PRRC2A: variants seen among roughly 807,000 people sequenced by gnomAD.
PRRC2A encodes the protein proline rich coiled-coil 2A.
In PRRC2A, 59 loss-of-function variants were observed where a neutral mutation model predicts 224.6. The ratio of observed to expected loss-of-function variants is 0.26; its 90% CI spans 0.21 to 0.33. PRRC2A has a LOEUF of 0.33. Among genes scored for constraint, PRRC2A ranks in the 10% least tolerant of loss-of-function variants. The pLI is 1.00. For missense variants in PRRC2A, 3,095 were observed against 2,880.7 expected (o/e 1.07, Z -1.70); for synonymous variants, 1,194 against 1,109.5 (o/e 1.08, Z -1.51).
chr6:31,630,911 C>T (rs369253928), intron 15 of PRRC2A, 110 bp downstream of exon 15: 12 of 1,401,428 alleles, frequency 8.6e-6, no homozygotes, highest in African/African-American at 7.1e-5. Flanking sequence ...AAAGGAGAGG[C>T]TGGATGGAGT....
chr6:31,637,290 T>C lies in PRRC2A; in HGVS notation c.6299T>C (p.Val2100Ala). ...LKATPSTYSGVFRTQRVDLYQ... is the reference protein window; with the variant it reads ...LKATPSTYSGAFRTQRVDLYQ... ...GCCACGCCTTCCACCTACAGTGGAG[T>C]CTTCCGCACCCAGCGCGTCGACCTT... The change falls in exon 30 of 31, where the codon GTC becomes GCC. Residue 2100 changes from valine to alanine, a missense_variant. Val to Ala is a moderately conservative substitution (Grantham distance 64, BLOSUM62 0). Around this residue, in one of 8 missense-constraint regions of PRRC2A, gnomAD observed 662 missense variants for 609.5 expected, o/e 1.09. Transcript: ENST00000376033. 1 of 1,612,338 alleles carries C rather than the reference T, an allele frequency of 6.2e-7. No homozygotes were observed. Among genetic ancestry groups the C allele is most frequent in the Non-Finnish European group, 8.5e-7 (1 of 1,179,528 alleles).
rs1175821400 is a variant in PRRC2A at position 31,627,778 on chromosome 6, C to T, written c.1304C>T (p.Pro435Leu). The T allele has an allele frequency of 6.2e-7, 1 of 1,612,546 alleles. No individual in the cohort carries two copies. The highest frequency in any genetic ancestry group is 8.5e-7 in the Non-Finnish European group (1 of 1,179,700). Residue 435 changes from proline to leucine, a missense_variant, in exon 12 of 31, where the codon CCT (proline) becomes CTT (leucine). This residue lies in a region of PRRC2A where 2,001 missense variants were observed against 1,764.9 expected (regional missense o/e 1.13). Transcript: ENST00000376033. This position sits in a 1 kb window ranked among gnomAD's most constrained non-coding sequence, Gnocchi z 5.6. The stretch of plus-strand genomic sequence containing the variant: ...GCCAATTGACAGGATCGTGGGGGTC[C>T]TCCCTGCAAGCCCCCAGCACCTGAA... ...PPGDYPDRGG[P>L]PCKPPAPEDE... is the part of the protein sequence containing the mutation.
At chr6:31,629,065 T>G in intron 12 of PRRC2A, 79 bp from the exon 13 acceptor site, 213 of 1,398,674 alleles carry the variant, frequency 1.5e-4, no homozygotes, top group Non-Finnish European at 1.9e-4. Flanking sequence ...GAGCTAGAGA[T>G]GAGACGTGAG....
intron 24 of PRRC2A, 35 bp from the exon 25 acceptor site, chr6:31,635,932 A>G: frequency 1.9e-6 from 3 of 1,553,988 alleles, no homozygotes; most frequent in Non-Finnish European, 2.6e-6. Context: ...GACCACAGAT[A>G]CTAAAGCTGT....
intron 10 of PRRC2A, 46 bp from the exon 11 acceptor site, chr6:31,626,936 A>T (rs757642244): frequency 6.2e-7 from 1 of 1,612,720 alleles, no homozygotes; most frequent in African/African-American, 1.3e-5. Flanking sequence ...TTAGAGGAGT[A>T]TATTAGTTGC....
chr6:31,637,687 A>G lies in PRRC2A; in HGVS notation c.*101A>G, dbSNP rs1232413515. On this transcript the variant is annotated 3_prime_UTR_variant, in exon 31 of 31. Transcript: ENST00000376033. ...GGAGGGGTTCTGGGGCTGGGGCCTCACTTCCCCTCCTCCCCCTTCCCCTGG... is the reference window on the plus strand; with the variant it reads ...GGAGGGGTTCTGGGGCTGGGGCCTCGCTTCCCCTCCTCCCCCTTCCCCTGG... 2 of 679,046 alleles carry G rather than the reference A, an allele frequency of 2.9e-6. No homozygotes were observed. The highest frequency in any genetic ancestry group is 4.3e-6 in the Non-Finnish European group (2 of 463,706). 42.1% of individuals were successfully genotyped at this position (679,046 alleles called of 1,614,324 possible). A position where few individuals can be genotyped will look rare whatever the true frequency, so the allele number is the denominator to read the frequency against.
At position 31,637,025 on chromosome 6, in the gene PRRC2A, G is replaced by GT. The variant is rs773084707; in HGVS notation, c.6148-17_6148-16insT. On this transcript the variant is annotated splice_polypyrimidine_tract_variant and intron_variant, in intron 28 of 30. Coordinates refer to ENST00000376033, the MANE Select transcript of PRRC2A (RefSeq NM_004638.4). ...CTGTATTTCAAGGTAGGCAGCTCAT[G>GT]ATTTTTTTCCCCTCAGCTGCATCCA... is the stretch of plus-strand genomic sequence containing the variant. 9.4e-6 allele frequency: 15 copies of GT among 1,595,790 alleles called. No homozygotes were observed. The highest frequency in any genetic ancestry group is 1.3e-5 in the Non-Finnish European group (15 of 1,170,282).
Position 31,629,523 on chromosome 6 carries a change from CATCTT to C in PRRC2A, c.1957-24_1957-20del, listed in dbSNP as rs1166793807. ...GTCCATGTGTGCTTTGAGCCTCTCT[CATCTT>C]GTCTTTCCTCCTTTCCTAGGAGCAG... On this transcript the variant is annotated intron_variant, in intron 13 of 30. Coordinates refer to ENST00000376033, the MANE Select transcript of PRRC2A (RefSeq NM_004638.4). 1 of 1,478,008 alleles carries C rather than the reference CATCTT, an allele frequency of 6.8e-7. No homozygotes were observed. Among genetic ancestry groups the C allele is most frequent in the East Asian group, 2.3e-5 (1 of 44,194 alleles). 91.6% of individuals were successfully genotyped at this position (1,478,008 alleles called of 1,614,324 possible). A position where few individuals can be genotyped will look rare whatever the true frequency, so the allele number is the denominator to read the frequency against.
chr6:31,629,409 C>T (rs1776281961), intron 13 of PRRC2A, 75 bp downstream of exon 13: 9 of 1,501,198 alleles, frequency 6.0e-6, no homozygotes, highest in Non-Finnish European at 8.1e-6. Flanking sequence ...TCATAAGTTA[C>T]CTTCTGGGTC....
In PRRC2A at chr6:31,624,277, G is replaced by T; in HGVS notation, c.307G>T (p.Ala103Ser). The change falls in exon 4 of 31, where the codon GCT becomes TCT. Residue 103 changes from alanine (A) to serine (S), a missense_variant. Transcript: ENST00000376033. ...TCCCCTCAGTTCCGATGCCTCAACCGCTCAGCCGCCGGAATCGCAGCCACT... is the reference window on the plus strand; with the variant it reads ...TCCCCTCAGTTCCGATGCCTCAACCTCTCAGCCGCCGGAATCGCAGCCACT... ...SDPKSSDAST[A>S]QPPESQPLPA... 6.2e-7 allele frequency: 1 copy of T among 1,613,578 alleles called. No homozygotes were observed. Among genetic ancestry groups the T allele is most frequent in the Non-Finnish European group, 8.5e-7 (1 of 1,179,970 alleles).
Position 31,632,139 on chromosome 6 carries a change from C to G in PRRC2A, c.3466C>G (p.Arg1156Gly). 4 of 1,562,496 alleles carry G rather than the reference C, an allele frequency of 2.6e-6. No homozygotes were observed. Among genetic ancestry groups the G allele is most frequent in the Non-Finnish European group, 3.5e-6 (4 of 1,154,828 alleles). ...PSPAPARFTA[R>G]GGRVFTPRGV... ...ACCAGCCCCAGCCCGCTTCACTGCC[C>G]GGGGTGGGCGAGTCTTCACTCCCAG... The change falls in exon 16 of 31, where the codon CGG (arginine) becomes GGG (glycine). Residue 1156 changes from arginine (R) to glycine (G), a missense_variant. Coordinates refer to ENST00000376033, the MANE Select transcript of PRRC2A (RefSeq NM_004638.4).
chr6:31,630,420 C>T (rs73728958), intron 14 of PRRC2A, among the ~76,000 whole-genome samples, 171 bp from the exon 15 acceptor site: 1 of 152,112 alleles, frequency 6.6e-6, no homozygotes, highest in African/African-American at 2.4e-5. Flanking sequence ...TGGGTTGATT[C>T]TCTTGTAGGG....
At position 31,621,500 on chromosome 6, in the gene PRRC2A, C is replaced by T. The variant is rs545625066; in HGVS notation, c.-101+642C>T. ...GTTGTCTACATCCTTTTTTTTTTTG[C>T]CATTCCTGTTTCCATATATTTTCCA... On this transcript the variant is annotated intron_variant, in intron 1 of 30. Coordinates refer to ENST00000376033, the MANE Select transcript of PRRC2A (RefSeq NM_004638.4). 5.8e-4 allele frequency among the ~76,000 whole-genome samples: 87 copies of T among 150,230 alleles called. 1 individual carries two copies. The highest frequency in any genetic ancestry group is 9.3e-4 in the African/African-American group (38 of 40,978).
intron 1 of PRRC2A, among the ~76,000 whole-genome samples, chr6:31,621,188 C>G (rs982786431): frequency 1.4e-4 from 16 of 118,316 alleles, no homozygotes; most frequent in African/African-American, 4.0e-4. Flanking sequence ...TTTGTGGGCC[C>G]CCTCCCCGGC....
At position 31,636,695 on chromosome 6, in the gene PRRC2A, C is replaced by A; in HGVS notation, c.5935-38C>A. 1 of 1,600,484 alleles carries A rather than the reference C, an allele frequency of 6.2e-7. No homozygotes were observed. Among genetic ancestry groups the A allele is most frequent in the Non-Finnish European group, 8.5e-7 (1 of 1,171,834 alleles). On this transcript the variant is annotated intron_variant, in intron 27 of 30. Coordinates refer to ENST00000376033, the MANE Select transcript of PRRC2A (RefSeq NM_004638.4). The surrounding 1 kb of genome is among the most constrained non-coding windows in gnomAD (Gnocchi z 4.3). ...TTTCCCTGGTTTTCTGACATTCCTC[C>A]CTGCCCCCAACATGCACACCCAAAT...
rs1776929548 is a variant in PRRC2A at position 31,633,500 on chromosome 6, G to A, written c.4441G>A (p.Ala1481Thr). Residue 1481 changes from alanine to threonine, a missense_variant, in exon 17 of 31, where the codon GCC becomes ACC. Physicochemically the swap from Ala to Thr is moderately conservative, Grantham distance 58. Coordinates refer to ENST00000376033, the MANE Select transcript of PRRC2A (RefSeq NM_004638.4). ...CCCTGCTGGCATCCAACAGGCTCTG[G>A]CCCAGCTTAGTAGCCGTCAAGGGAG... is the stretch of plus-strand genomic sequence containing the variant. The part of the protein sequence containing the change: ...SNPAGIQQAL[A>T]QLSSRQGSVT... 6.2e-7 allele frequency: 1 copy of A among 1,612,944 alleles called. No homozygotes were observed. The highest frequency in any genetic ancestry group is 1.3e-5 in the African/African-American group (1 of 74,906).
chr6:31,637,539 C>T lies in PRRC2A; in HGVS notation c.6427C>T (p.Pro2143Ser). The T allele has an allele frequency of 6.3e-6, 10 of 1,592,846 alleles. No individual in the cohort carries two copies. Among genetic ancestry groups the T allele is most frequent in the Non-Finnish European group, 8.5e-6 (10 of 1,170,222 alleles). ...AGGGCCCTCCCGACGGGCAGAGGAG[C>T]CTGGGTCCCGAGGGGACAAGGAGCC... ...REGPSRRAEE[P>S]GSRGDKEPGL... Residue 2143 changes from proline (P) to serine (S), a missense_variant, in exon 31 of 31, where the codon CCT (proline) becomes TCT (serine). Physicochemically the swap from Pro to Ser is moderately conservative, Grantham distance 74 (BLOSUM62 -1). Coordinates refer to ENST00000376033, the MANE Select transcript of PRRC2A (RefSeq NM_004638.4).
Position 31,630,656 on chromosome 6 carries a change from CCTG to C in PRRC2A, c.2323_2325del (p.Ala775del). On this transcript the variant is annotated inframe_deletion, in exon 15 of 31. Transcript: ENST00000376033. The stretch of plus-strand genomic sequence containing the variant: ...CTCAGAGCCATTTGACCGTCATGCA[CCTG>C]CTATGTTACGGGAACGGGGCACTCC... 3 of 1,614,112 alleles carry C rather than the reference CCTG, an allele frequency of 1.9e-6. No individual in the cohort carries two copies. Among genetic ancestry groups the C allele is most frequent in the Non-Finnish European group, 2.5e-6 (3 of 1,180,020 alleles).
intron 17 of PRRC2A, 43 bp downstream of exon 17, chr6:31,633,690 A>G: frequency 1.9e-6 from 3 of 1,572,022 alleles, no homozygotes; most frequent in South Asian, 1.2e-5. Flanking sequence ...CCATCCCCAG[A>G]GAAGGTCAAG....
Sources: gnomAD v4.1 joint callset for allele counts (sites outside exome capture counted in the v4.1 genomes callset) on GRCh38, gnomAD v4.1.1 for gene constraint, gnomAD v4.1.1 regional missense constraint, Gnocchi (gnomAD v3.1) non-coding constraint, MANE v1.5 for transcripts, NCBI Gene and HGNC (gene_info 2026-07-23, HGNC 2026-07-21) for gene names.